Variants in MLIP observed in about 807,000 individuals in gnomAD.
The protein encoded by MLIP is muscular LMNA-interacting protein.
A neutral mutation model predicts 84.8 loss-of-function variants in MLIP; 79 were observed. The observed-to-expected ratio is 0.93, with a 90% CI of 0.78 to 1.12. The LOEUF (loss-of-function observed/expected upper bound fraction) is 1.12, where lower values mean the gene tolerates loss of function less well. Among genes scored for constraint, MLIP ranks in the 50% most tolerant of loss-of-function variants. The pLI, the probability that MLIP is intolerant of heterozygous loss-of-function variation, is 0.00. For synonymous variants in MLIP, 504 were observed against 463.0 expected (o/e 1.09, Z -1.14); for missense variants, 1,257 against 1,160.6 (o/e 1.08, Z -1.21).
intron 1 of MLIP, among the ~76,000 whole-genome samples, chr6:54,104,223 C>A (rs570372119): frequency 6.6e-6 from 1 of 152,070 alleles, no homozygotes; most frequent in Non-Finnish European, 1.5e-5. Context: ...CAGATTATGC[C>A]AAAATCATAT....
At chr6:54,091,247 T>C (rs1485948573) in intron 1 of MLIP, among the ~76,000 whole-genome samples, 1 of 152,180 alleles carries the variant, frequency 6.6e-6, no homozygotes, top group Non-Finnish European at 1.5e-5. Flanking sequence ...CCGTATTTCC[T>C]ATAGTGTGTT....
chr6:54,038,570 AT>A (rs1764574195), intron 1 of MLIP, among the ~76,000 whole-genome samples: 1 of 151,726 alleles, frequency 6.6e-6, no homozygotes, highest in East Asian at 1.9e-4. Context: ...ATCATTCCTC[AT>A]TTTTTTGGCT....
intron 1 of MLIP, among the ~76,000 whole-genome samples, chr6:54,023,486 G>C (rs904939544): frequency 6.6e-6 from 1 of 152,020 alleles, no homozygotes; most frequent in African/African-American, 2.4e-5. Flanking sequence ...CCAATGATAT[G>C]TAAATTTACT....
intron 12 of MLIP, among the ~76,000 whole-genome samples, chr6:54,239,794 A>G (rs1208631746): frequency 1.3e-5 from 2 of 151,918 alleles, no homozygotes; most frequent in Non-Finnish European, 2.9e-5. Flanking sequence ...CTAAAAATAA[A>G]AAATAAAAAA....
intron 3 of MLIP, among the ~76,000 whole-genome samples, chr6:54,135,894 G>GTTCTTTATTTCCTCTTTATTTGGT (rs1358995140): frequency 6.6e-6 from 1 of 152,042 alleles, no homozygotes; most frequent in Non-Finnish European, 1.5e-5. Context: ...ATGATGAATT[G>GTTCTTTATTTCCTCTTTATTTGGT]TTCTTTATTT....
At chr6:54,196,159 C>G (rs1399555046) in intron 10 of MLIP, among the ~76,000 whole-genome samples, 1 of 152,036 alleles carries the variant, frequency 6.6e-6, no homozygotes, top group East Asian at 1.9e-4. Context: ...TGGAAGACCT[C>G]AAGGAGTCAA....
chr6:54,124,377 A>G (rs1239689854), intron 2 of MLIP, 96 bp from the exon 3 acceptor site: 1 of 1,138,962 alleles, frequency 8.8e-7, no homozygotes, highest in Non-Finnish European at 1.2e-6. Context: ...TATATTTTTG[A>G]AAATATAAGG....
At chr6:54,079,924 C>G (rs1304680086) in intron 1 of MLIP, among the ~76,000 whole-genome samples, 1 of 152,184 alleles carries the variant, frequency 6.6e-6, no homozygotes, top group African/African-American at 2.4e-5. Flanking sequence ...AACTGTCCTA[C>G]AGAGTTGACG....
chr6:54,076,436 A>G (rs571182315), intron 1 of MLIP, among the ~76,000 whole-genome samples: 1 of 152,160 alleles, frequency 6.6e-6, no homozygotes, highest in Non-Finnish European at 1.5e-5. Flanking sequence ...TCCTTCCACA[A>G]CTGTATTGCA....
intron 1 of MLIP, among the ~76,000 whole-genome samples, chr6:54,063,861 T>C (rs1766120080): frequency 6.6e-6 from 1 of 152,156 alleles, no homozygotes; most frequent in Non-Finnish European, 1.5e-5. Context: ...TAGAATTCCA[T>C]GTTGAAGTTA....
chr6:54,240,989 A>T (rs1781699747), intron 12 of MLIP, among the ~76,000 whole-genome samples: 1 of 152,162 alleles, frequency 6.6e-6, no homozygotes, highest in African/African-American at 2.4e-5. Flanking sequence ...AATAAAAAAA[A>T]ATCAAAAGAA....
chr6:54,124,993 A>T (rs1201952287), intron 3 of MLIP, 128 bp downstream of exon 3: 1 of 711,708 alleles, frequency 1.4e-6, no homozygotes, highest in Non-Finnish European at 2.1e-6. Flanking sequence ...TATTTAAAAA[A>T]CCATTATCTC....
At chr6:54,107,529 T>C (rs1769106230), upstream of MLIP, among the ~76,000 whole-genome samples, 1 of 152,198 alleles carries the variant, frequency 6.6e-6, no homozygotes, top group African/African-American at 2.4e-5. Context: ...ATTCCCATTT[T>C]TAGAGGAAAA....
intron 12 of MLIP, among the ~76,000 whole-genome samples, chr6:54,254,119 T>G (rs557486393): frequency 7.0e-6 from 1 of 143,528 alleles, no homozygotes; most frequent in East Asian, 2.0e-4. Flanking sequence ...GTAGAACTTG[T>G]TTTTTTGCTG....
intron 12 of MLIP, among the ~76,000 whole-genome samples, chr6:54,247,345 T>A (rs1366076165): frequency 6.6e-6 from 1 of 152,158 alleles, no homozygotes; most frequent in Non-Finnish European, 1.5e-5. Flanking sequence ...AAAACCATCA[T>A]AGCTGTTAGT....
chr6:54,219,149 T>A (rs951332510), intron 11 of MLIP, among the ~76,000 whole-genome samples: 29 of 151,840 alleles, frequency 1.9e-4, no homozygotes, highest in Non-Finnish European at 3.2e-4. Context: ...GAGCTTGTAG[T>A]GAGCCGAGAT....
intron 1 of MLIP, among the ~76,000 whole-genome samples, chr6:54,104,180 C>G (rs1434690664): frequency 2.0e-5 from 3 of 151,960 alleles, no homozygotes; most frequent in Non-Finnish European, 4.4e-5. Context: ...GAATAGGATG[C>G]TATTGCTTCC....
At chr6:54,191,230 A>G (rs1015498145) in intron 10 of MLIP, among the ~76,000 whole-genome samples, 1 of 152,154 alleles carries the variant, frequency 6.6e-6, no homozygotes, top group African/African-American at 2.4e-5. Context: ...TTTTAAAGAA[A>G]TTGTTTTGGT....
At chr6:54,078,314 G>T (rs1297838846) in intron 1 of MLIP, among the ~76,000 whole-genome samples, 1 of 152,220 alleles carries the variant, frequency 6.6e-6, no homozygotes, top group Non-Finnish European at 1.5e-5. Context: ...TCAGCAGCTA[G>T]GCATGGTGGC....
Sources: allele counts gnomAD v4.1 joint callset (sites outside exome capture counted in the v4.1 genomes callset), GRCh38; gene constraint gnomAD v4.1.1; transcripts MANE v1.5; gene names NCBI Gene and HGNC (gene_info 2026-07-23, HGNC 2026-07-21).